TMEM266: variants seen among roughly 807,000 people sequenced by gnomAD.
TMEM266 encodes Hv1 related protein 1.
TMEM266 carries 33 observed loss-of-function variants against 50.5 expected under a neutral mutation model. That is an observed-to-expected ratio of 0.65 (90% confidence interval 0.50 to 0.87). The LOEUF is 0.87. Ranked by LOEUF, TMEM266 falls within the 40% of genes least tolerant of loss-of-function variation. TMEM266 has a pLI of 0.00. For synonymous variants in TMEM266, 310 were observed against 292.3 expected, an observed-to-expected ratio of 1.06 and a Z score of -0.62; for missense variants, 655 against 695.1, an observed-to-expected ratio of 0.94 and a Z score of 0.65.
chr15:76,171,344 C>T (rs1246135779), intron 7 of TMEM266, among the ~76,000 whole-genome samples: 1 of 152,224 alleles, frequency 6.6e-6, no homozygotes, highest in East Asian at 1.9e-4. Context: ...CTGAGCTTCC[C>T]ACTTCCCATT....
chr15:76,076,601 T>C (rs1342230649), intron 1 of TMEM266, among the ~76,000 whole-genome samples: 1 of 152,076 alleles, frequency 6.6e-6, no homozygotes, highest in African/African-American at 2.4e-5. Flanking sequence ...AGGAAGAGTT[T>C]ACCAATTCCT....
intron 1 of TMEM266, among the ~76,000 whole-genome samples, chr15:76,082,038 C>T (rs1425372581): frequency 6.6e-6 from 1 of 152,246 alleles, no homozygotes; most frequent in Non-Finnish European, 1.5e-5. Context: ...ATGTCAGAAC[C>T]GTATTTCCAT....
chr15:76,204,366 T>G lies in TMEM266; in HGVS notation c.*51T>G. ...AGGGGAGACAGCCATCTCAAAGCTC[T>G]CCTGGGACCCTGGAGGCTGCCAAGG... On this transcript the variant is annotated 3_prime_UTR_variant, in exon 11 of 11. Transcript: ENST00000388942. 47 of 1,514,184 alleles carry G rather than the reference T, an allele frequency of 3.1e-5. No individual in the cohort carries two copies. The highest frequency in any genetic ancestry group is 4.1e-5 in the African/African-American group (3 of 72,392). 93.8% of individuals were successfully genotyped at this position (1,514,184 alleles called of 1,614,324 possible). A position where few individuals can be genotyped will look rare whatever the true frequency, so the allele number is the denominator to read the frequency against.
intron 9 of TMEM266, among the ~76,000 whole-genome samples, chr15:76,195,165 C>T (rs544773268): frequency 3.9e-5 from 6 of 152,308 alleles, no homozygotes; most frequent in Non-Finnish European, 7.4e-5. Flanking sequence ...ATCTCCACAC[C>T]GTTCCCTGGC....
intron 3 of TMEM266, among the ~76,000 whole-genome samples, chr15:76,151,195 C>T (rs1367455956): frequency 6.6e-6 from 1 of 152,208 alleles, no homozygotes; most frequent in Non-Finnish European, 1.5e-5. Flanking sequence ...TGGGCCGACG[C>T]TGAAGACAGA....
At chr15:76,150,921 G>A (rs2037832027) in intron 3 of TMEM266, among the ~76,000 whole-genome samples, 1 of 152,228 alleles carries the variant, frequency 6.6e-6, no homozygotes, top group South Asian at 2.1e-4. Context: ...CTATGAAGCA[G>A]AAGCAGTGAA....
At position 76,156,758 on chromosome 15, in the gene TMEM266, T is replaced by C; in HGVS notation, c.382T>C (p.Phe128Leu). ...TCTAATAGATATAAAGCTTCTCCAG[T>C]GTGAGTAGCAAGAGAGATACATATG... The change falls in exon 4 of 11, where the codon TTT (phenylalanine) becomes CTT (leucine). Residue 128 changes from phenylalanine (F) to leucine (L), a missense_variant and splice_region_variant. Around this residue, in one of 3 missense-constraint regions of TMEM266, gnomAD observed 101 missense variants for 182.6 expected, o/e 0.55. Coordinates refer to ENST00000388942, the MANE Select transcript of TMEM266 (RefSeq NM_152335.3). 6.2e-7 allele frequency: 1 copy of C among 1,613,008 alleles called. No homozygotes were observed. The highest frequency in any genetic ancestry group is 8.5e-7 in the Non-Finnish European group (1 of 1,179,036).
intron 9 of TMEM266, among the ~76,000 whole-genome samples, chr15:76,200,035 C>T (rs1030739664): frequency 4.6e-5 from 7 of 152,150 alleles, no homozygotes; most frequent in African/African-American, 1.2e-4. Flanking sequence ...GCTAATGGGC[C>T]GTTTGACCAG....
intron 7 of TMEM266, 162 bp from the exon 8 acceptor site, chr15:76,175,397 G>A (rs2038257843): frequency 1.6e-6 from 1 of 606,662 alleles, no homozygotes; most frequent in Non-Finnish European, 2.9e-6. Context: ...GTGGCCCTCT[G>A]TACTTTCTGG....
chr15:76,139,691 A>G lies in TMEM266; in HGVS notation c.227+1796A>G, dbSNP rs16967901. Among the ~76,000 whole-genome samples the G allele has an allele frequency of 0.016, 2,494 of 152,368 alleles. 161 individuals carry two copies. The highest frequency in any genetic ancestry group is 0.11 in the Admixed American group (1,749 of 15,296). Reference sequence around the variant, plus strand: ...CTCTGGTGGTCAAAAGCAGTAGTGCAGCCTTCTAACATGCCCTAGCTATTT... The same window carrying G: ...CTCTGGTGGTCAAAAGCAGTAGTGCGGCCTTCTAACATGCCCTAGCTATTT... On this transcript the variant is annotated intron_variant, in intron 3 of 10. Coordinates refer to ENST00000388942, the MANE Select transcript of TMEM266 (RefSeq NM_152335.3). This position sits in a 1 kb window ranked among gnomAD's most constrained non-coding sequence, Gnocchi z 4.1.
At chr15:76,089,509 C>CCA (rs2036821145) in intron 1 of TMEM266, among the ~76,000 whole-genome samples, 1 of 152,018 alleles carries the variant, frequency 6.6e-6, no homozygotes, top group Admixed American at 6.6e-5. Flanking sequence ...TTTCTTATAG[C>CCA]TGAATTGTAG....
intron 1 of TMEM266, among the ~76,000 whole-genome samples, chr15:76,092,670 A>G (rs545511891): frequency 3.3e-5 from 5 of 152,134 alleles, no homozygotes; most frequent in South Asian, 2.1e-4. Flanking sequence ...AGCCTGGGCA[A>G]CAGAGCAAGA....
chr15:76,097,131 T>C lies in TMEM266; in HGVS notation c.-96-37037T>C, dbSNP rs545783527. On this transcript the variant is annotated intron_variant, in intron 1 of 10. Coordinates refer to ENST00000388942, the MANE Select transcript of TMEM266 (RefSeq NM_152335.3). ...TGTTTACATTTAAGGTTAATATTGTTATGTGTGAATTTGATCCTGTCATTA... is the reference window on the plus strand; with the variant it reads ...TGTTTACATTTAAGGTTAATATTGTCATGTGTGAATTTGATCCTGTCATTA... Among the ~76,000 whole-genome samples the C allele has an allele frequency of 2.0e-5, 3 of 152,132 alleles. No individual in the cohort carries two copies. In the East Asian group the frequency reaches 5.8e-4, roughly 29 times the overall value.
chr15:76,147,617 T>C (rs1389652236), intron 3 of TMEM266, among the ~76,000 whole-genome samples: 2 of 152,250 alleles, frequency 1.3e-5, no homozygotes, highest in Non-Finnish European at 2.9e-5. Flanking sequence ...AGGAGAATTC[T>C]TGATGCCCCA....
At chr15:76,090,372 A>G (rs1194332988) in intron 1 of TMEM266, among the ~76,000 whole-genome samples, 2 of 151,798 alleles carry the variant, frequency 1.3e-5, no homozygotes, top group East Asian at 3.9e-4. Flanking sequence ...CACACCTGCA[A>G]TCCCAGCTGC....
Position 76,204,327 on chromosome 15 carries a change from G to C in TMEM266, c.*12G>C, listed in dbSNP as rs372116312. On this transcript the variant is annotated 3_prime_UTR_variant, in exon 11 of 11. Coordinates refer to ENST00000388942, the MANE Select transcript of TMEM266 (RefSeq NM_152335.3). ...TCCCTGAGGCCTAGAGCCTGCCATG[G>C]GCTGGGTGAGATGAGGGGAGACAGC... The C allele has an allele frequency of 1.0e-4, 158 of 1,583,074 alleles. No homozygotes were observed. Among genetic ancestry groups the C allele is most frequent in the Non-Finnish European group, 1.2e-4 (144 of 1,159,744 alleles).
chr15:76,192,305 G>C (rs1372206822), intron 9 of TMEM266, 148 bp downstream of exon 9: 1 of 740,686 alleles, frequency 1.4e-6, no homozygotes. Context: ...GACACGCTCA[G>C]ATCAGTAGCC....
chr15:76,156,563 C>T, intron 3 of TMEM266, 41 bp from the exon 4 acceptor site: 1 of 1,607,560 alleles, frequency 6.2e-7, no homozygotes, highest in Non-Finnish European at 8.5e-7. Flanking sequence ...CTTGTCCCCT[C>T]CCACTCTGAG....
intron 7 of TMEM266, among the ~76,000 whole-genome samples, chr15:76,173,961 T>C (rs1433153543): frequency 2.8e-5 from 4 of 144,094 alleles, no homozygotes; most frequent in African/African-American, 1.0e-4. Context: ...AAAAAAGAGG[T>C]CTGTGGGAAG....
Sources: gnomAD v4.1 joint callset for allele counts (sites outside exome capture counted in the v4.1 genomes callset) on GRCh38, gnomAD v4.1.1 for gene constraint, gnomAD v4.1.1 regional missense constraint, Gnocchi (gnomAD v3.1) non-coding constraint, MANE v1.5 for transcripts, NCBI Gene and HGNC (gene_info 2026-07-23, HGNC 2026-07-21) for gene names.